The following CDH18 variants were observed in gnomAD, a reference collection of about 807,000 sequenced individuals.
CDH18 encodes the protein cadherin-18.
CDH18 carries 31 observed loss-of-function variants against 67.9 expected under a neutral mutation model. That is an observed-to-expected ratio of 0.46 (90% CI 0.34 to 0.62). CDH18 has a LOEUF of 0.62. Ranked by LOEUF, CDH18 falls within the 20% of genes least tolerant of loss-of-function variation. The probability of loss-of-function intolerance (pLI) is 0.01; values close to 1 mark genes in which losing one functional copy is unlikely to be tolerated. For missense variants in CDH18, 890 were observed against 975.5 expected (o/e 0.91, Z 1.17); for synonymous variants, 362 against 347.2 (o/e 1.04, Z -0.48).
intron 1 of CDH18, among the ~76,000 whole-genome samples, chr5:20,517,767 A>C (rs2126508758): frequency 6.6e-6 from 1 of 152,204 alleles, no homozygotes; most frequent in Non-Finnish European, 1.5e-5. Context: ...CCAAAGAAAA[A>C]ATCTAAGTTT....
intron 2 of CDH18, among the ~76,000 whole-genome samples, chr5:19,959,332 A>G (rs1561632925): frequency 6.6e-6 from 1 of 152,056 alleles, no homozygotes; most frequent in Non-Finnish European, 1.5e-5. Context: ...TTAAATATAA[A>G]CTCAGAAGAT....
At chr5:20,450,655 G>GTA (rs935505827) in intron 1 of CDH18, among the ~76,000 whole-genome samples, 23 of 152,144 alleles carry the variant, frequency 1.5e-4, no homozygotes, top group South Asian at 6.2e-4. Flanking sequence ...TATTCTCCTG[G>GTA]TATATGCATC....
At chr5:19,846,961 C>G (rs893747411) in intron 2 of CDH18, among the ~76,000 whole-genome samples, 4 of 151,750 alleles carry the variant, frequency 2.6e-5, no homozygotes, top group Admixed American at 6.6e-5. Flanking sequence ...ATTATCCTGT[C>G]ACTTCTGGCC....
At chr5:19,682,900 C>A (rs923034942) in intron 5 of CDH18, among the ~76,000 whole-genome samples, 1 of 152,046 alleles carries the variant, frequency 6.6e-6, no homozygotes, top group African/African-American at 2.4e-5. Flanking sequence ...AGAAATGCAT[C>A]ACTGTTGCTT....
At chr5:20,087,988 C>G (rs2150554657) in intron 2 of CDH18, among the ~76,000 whole-genome samples, 1 of 152,184 alleles carries the variant, frequency 6.6e-6, no homozygotes, top group East Asian at 1.9e-4. Flanking sequence ...CCACAATAAC[C>G]CAGTGAATTC....
intron 3 of CDH18, among the ~76,000 whole-genome samples, chr5:19,791,356 A>AACAC (rs58429751): frequency 0.034 from 4,789 of 141,592 alleles, 106 homozygotes; most frequent in Middle Eastern, 0.046. Flanking sequence ...TCGACTTTTA[A>AACAC]ACACACACAC....
intron 3 of CDH18, among the ~76,000 whole-genome samples, chr5:19,792,255 A>AT (rs1410943456): frequency 3.9e-5 from 6 of 151,938 alleles, no homozygotes; most frequent in Non-Finnish European, 8.8e-5. Context: ...GGAAGGGTGA[A>AT]TTTTTTCTCT....
At chr5:20,371,753 T>C (rs115600005) in intron 1 of CDH18, among the ~76,000 whole-genome samples, 1 of 152,094 alleles carries the variant, frequency 6.6e-6, no homozygotes, top group Non-Finnish European at 1.5e-5. Context: ...GAAGGGCCCT[T>C]GAGAACAAGA....
intron 1 of CDH18, among the ~76,000 whole-genome samples, chr5:20,262,774 G>A (rs757781173): frequency 3.1e-4 from 47 of 151,648 alleles, no homozygotes; most frequent in Admixed American, 2.4e-3. Flanking sequence ...ATATACAATC[G>A]TATTTGTAAA....
chr5:20,204,553 G>T (rs1036113194), intron 2 of CDH18, among the ~76,000 whole-genome samples: 3 of 151,474 alleles, frequency 2.0e-5, no homozygotes, highest in African/African-American at 7.3e-5. Flanking sequence ...ATATTGGAAG[G>T]GTCAAAATCC....
intron 1 of CDH18, among the ~76,000 whole-genome samples, chr5:20,321,864 A>G (rs1188216148): frequency 2.6e-5 from 4 of 152,156 alleles, no homozygotes; most frequent in Non-Finnish European, 5.9e-5. Context: ...AGCAAGACCA[A>G]TGTCCAACCC....
At chr5:20,184,531 G>C (rs1737944061) in intron 2 of CDH18, among the ~76,000 whole-genome samples, 1 of 152,046 alleles carries the variant, frequency 6.6e-6, no homozygotes, top group African/African-American at 2.4e-5. Flanking sequence ...TCTGTGATAA[G>C]AAATAATGAA....
At chr5:19,638,139 G>T (rs562044491) in intron 5 of CDH18, among the ~76,000 whole-genome samples, 1 of 152,174 alleles carries the variant, frequency 6.6e-6, no homozygotes, top group South Asian at 2.1e-4. Flanking sequence ...ATAACAAGTC[G>T]ACAGTAAACA....
intron 1 of CDH18, among the ~76,000 whole-genome samples, chr5:20,355,460 T>A (rs1181980062): frequency 1.3e-5 from 2 of 152,206 alleles, no homozygotes; most frequent in Admixed American, 6.5e-5. Flanking sequence ...TCAAGTACAA[T>A]ACCCTGCTTG....
chr5:20,251,571 A>G (rs1743861421), intron 2 of CDH18, among the ~76,000 whole-genome samples: 1 of 152,212 alleles, frequency 6.6e-6, no homozygotes, highest in Admixed American at 6.5e-5. Flanking sequence ...GAAACATTCA[A>G]CCTTGCTAAG....
At chr5:20,145,389 C>T (rs1029178678) in intron 2 of CDH18, among the ~76,000 whole-genome samples, 2 of 152,076 alleles carry the variant, frequency 1.3e-5, no homozygotes, top group African/African-American at 4.8e-5. Flanking sequence ...ACCTGATAAA[C>T]TTCCTCATTT....
rs140455648 is a variant in CDH18, at chr5:20,248,616, A to G, written c.-518+6828T>C. Among the ~76,000 whole-genome samples the G allele has an allele frequency of 6.6e-3, 1,002 of 152,296 alleles. 14 individuals carry two copies. The highest frequency in any genetic ancestry group is 0.023 in the African/African-American group (959 of 41,542). On this transcript the variant is annotated intron_variant, in intron 2 of 14. Coordinates refer to the CDH18 transcript ENST00000507958. ...CTCAACAACTCTATCTAGAAACCAG[A>G]GTTTTTACCAGGTTCAAACCAAACA...
At chr5:19,552,920 A>G (rs1003383313) in intron 8 of CDH18, among the ~76,000 whole-genome samples, 5 of 150,490 alleles carry the variant, frequency 3.3e-5, no homozygotes, top group Non-Finnish European at 7.4e-5. Context: ...CTTCTGTACC[A>G]TTTCATATCT....
intron 5 of CDH18, among the ~76,000 whole-genome samples, chr5:19,638,728 T>G (rs1753531904): frequency 6.6e-6 from 1 of 151,820 alleles, no homozygotes; most frequent in South Asian, 2.1e-4. Context: ...GGAGTTCAGT[T>G]AAAAAGCTGC....
Sources: gnomAD v4.1 joint callset for allele counts (sites outside exome capture counted in the v4.1 genomes callset) on GRCh38, gnomAD v4.1.1 for gene constraint, MANE v1.5 for transcripts, NCBI Gene and HGNC (gene_info 2026-07-23, HGNC 2026-07-21) for gene names.